The following LINGO2 variants were observed in gnomAD, a reference collection of about 807,000 sequenced individuals.
The protein encoded by LINGO2 is leucine-rich repeat and immunoglobulin-like domain-containing nogo receptor-interacting protein 2.
A neutral mutation model predicts 30.6 loss-of-function variants in LINGO2; 14 were observed. The observed-to-expected ratio is 0.46, with a 90% confidence interval of 0.30 to 0.72. The LOEUF (loss-of-function observed/expected upper bound fraction) is 0.72, where lower values mean the gene tolerates loss of function less well. Ranked by LOEUF, LINGO2 falls within the 30% of genes least tolerant of loss-of-function variation. The pLI, the probability that LINGO2 is intolerant of heterozygous loss-of-function variation, is 0.07. For missense variants in LINGO2, 729 were observed against 751.7 expected (o/e 0.97, Z 0.35); for synonymous variants, 317 against 288.5 (o/e 1.10, Z -1.00).
chr9:28,523,257 A>C (rs1820892070), intron 1 of LINGO2, among the ~76,000 whole-genome samples: 1 of 152,164 alleles, frequency 6.6e-6, no homozygotes, highest in Admixed American at 6.5e-5. Flanking sequence ...CTTGAAAAAA[A>C]AATTAACATG....
At chr9:28,614,575 T>C (rs1489840939) in intron 1 of LINGO2, among the ~76,000 whole-genome samples, 2 of 152,148 alleles carry the variant, frequency 1.3e-5, no homozygotes, top group Non-Finnish European at 2.9e-5. Flanking sequence ...AGATAACTTC[T>C]AAAACTAACT....
chr9:28,628,700 T>A (rs1044424733), intron 1 of LINGO2, among the ~76,000 whole-genome samples: 5 of 152,138 alleles, frequency 3.3e-5, no homozygotes, highest in African/African-American at 9.7e-5. Flanking sequence ...GTACCTAGTC[T>A]CTTGATTTCT....
At chr9:28,320,818 C>G (rs1225442834) in intron 3 of LINGO2, among the ~76,000 whole-genome samples, 1 of 152,152 alleles carries the variant, frequency 6.6e-6, no homozygotes, top group Non-Finnish European at 1.5e-5. Context: ...ATCTGTTCCC[C>G]TTCTGTTTCC....
the LINGO2 span, among the ~76,000 whole-genome samples, chr9:28,693,536 C>G: frequency 0.14 from 21,262 of 151,954 alleles, 1,981 homozygotes; most frequent in African/African-American, 0.26. Flanking sequence ...CAAGGTGAAA[C>G]AGAAGTACAA....
chr9:28,221,609 T>A (rs1820970100), intron 4 of LINGO2, among the ~76,000 whole-genome samples: 1 of 152,166 alleles, frequency 6.6e-6, no homozygotes, highest in African/African-American at 2.4e-5. Context: ...TTCCAATTAC[T>A]TGTCAAATTT....
chr9:28,397,519 A>G (rs2134724461), intron 2 of LINGO2, among the ~76,000 whole-genome samples: 1 of 150,334 alleles, frequency 6.7e-6, no homozygotes, highest in East Asian at 2.0e-4. Flanking sequence ...GTTAACTATC[A>G]ATACCATGCT....
At chr9:29,209,770 T>TTCAACAAAATTATAAATACAGTAC in the LINGO2 span, among the ~76,000 whole-genome samples, 2 of 152,124 alleles carry the variant, frequency 1.3e-5, no homozygotes, top group African/African-American at 4.8e-5. Flanking sequence ...GGTGACATAT[T>TTCAACAAAATTATAAATACAGTAC]TCAACAAAAT....
chr9:28,975,424 T>C, the LINGO2 span, among the ~76,000 whole-genome samples: 2 of 152,164 alleles, frequency 1.3e-5, no homozygotes, highest in East Asian at 3.9e-4. Flanking sequence ...TGGCGTAACC[T>C]AAACTTTTAA....
At chr9:27,962,300 TTC>T (rs1177214457) in intron 5 of LINGO2, among the ~76,000 whole-genome samples, 1 of 152,178 alleles carries the variant, frequency 6.6e-6, no homozygotes, top group African/African-American at 2.4e-5. Context: ...GGCATCTTAT[TTC>T]TGATTTATTT....
the LINGO2 span, among the ~76,000 whole-genome samples, chr9:29,150,209 G>C: frequency 7.9e-5 from 12 of 152,214 alleles, no homozygotes; most frequent in East Asian, 2.3e-3. Context: ...CAAAAATCTA[G>C]CCACAAATAA....
chr9:28,822,848 C>T, the LINGO2 span, among the ~76,000 whole-genome samples: 314 of 152,212 alleles, frequency 2.1e-3, 2 homozygotes, highest in South Asian at 2.9e-3. Flanking sequence ...CTGACTAATA[C>T]ATACTGAAAA....
the LINGO2 span, among the ~76,000 whole-genome samples, chr9:29,035,338 G>T: frequency 2.0e-5 from 3 of 151,818 alleles, no homozygotes; most frequent in Admixed American, 6.6e-5. Context: ...CTCAGCTCTT[G>T]ACATACCACT....
intron 1 of LINGO2, among the ~76,000 whole-genome samples, chr9:28,521,990 T>C (rs1279614084): frequency 6.6e-6 from 1 of 152,182 alleles, no homozygotes; most frequent in Non-Finnish European, 1.5e-5. Context: ...CGAGGGAGCA[T>C]GGCCATTACA....
In LINGO2 at chr9:28,639,607, T is replaced by G. The variant is rs888508501; in HGVS notation, c.-365+30593A>C. Among the ~76,000 whole-genome samples the G allele has an allele frequency of 2.6e-5, 4 of 152,138 alleles. No individual in the cohort carries two copies. In the South Asian group the frequency reaches 6.2e-4, roughly 24 times the overall value. ...CTTTGTCTCTTTTGATCTTTGTTGGTTTAAAGTCTGTTTTATCAGAGACTA... is the reference window on the plus strand; with the variant it reads ...CTTTGTCTCTTTTGATCTTTGTTGGGTTAAAGTCTGTTTTATCAGAGACTA... On this transcript the variant is annotated intron_variant, in intron 1 of 5. Coordinates refer to ENST00000379992, the Ensembl canonical transcript of LINGO2.
intron 4 of LINGO2, among the ~76,000 whole-genome samples, chr9:28,086,303 A>G (rs534429587): frequency 6.6e-6 from 1 of 152,256 alleles, no homozygotes; most frequent in East Asian, 1.9e-4. Flanking sequence ...TTCAGATTTA[A>G]AAAATGATAC....
chr9:28,502,947 G>A (rs1283827019), intron 1 of LINGO2, among the ~76,000 whole-genome samples: 2 of 152,090 alleles, frequency 1.3e-5, no homozygotes, highest in East Asian at 3.9e-4. Flanking sequence ...TGCAGATAAT[G>A]TAGGCCAAAG....
At position 28,110,409 on chromosome 9, in the gene LINGO2, T is replaced by C. The variant is rs181697265; in HGVS notation, c.-86-98004A>G. Among the ~76,000 whole-genome samples, 606 of 152,190 alleles carry C rather than the reference T, an allele frequency of 4.0e-3. 9 individuals are homozygous for C. The highest frequency in any genetic ancestry group is 0.014 in the African/African-American group (580 of 41,518). ...ATTGACAAATGGGATCTAATTAAAC[T>C]AAAGAGCTTCTGCACAGCAAAAGAA... On this transcript the variant is annotated intron_variant, in intron 4 of 5. Coordinates refer to ENST00000379992, the Ensembl canonical transcript of LINGO2.
the LINGO2 span, among the ~76,000 whole-genome samples, chr9:28,688,445 CCTCAGG>C: frequency 1.3e-5 from 2 of 152,264 alleles, no homozygotes; most frequent in Middle Eastern, 3.4e-3. Context: ...AATCTACTTG[CCTCAGG>C]CTTTTTCTAA....
chr9:28,456,625 T>G (rs73437482), intron 2 of LINGO2, among the ~76,000 whole-genome samples: 1 of 152,234 alleles, frequency 6.6e-6, no homozygotes, highest in African/African-American at 2.4e-5. Flanking sequence ...GTCTACCCAT[T>G]TGAACCAGTG....
Sources: allele counts gnomAD v4.1 joint callset (sites outside exome capture counted in the v4.1 genomes callset), GRCh38; gene constraint gnomAD v4.1.1; transcripts MANE v1.5; gene names NCBI Gene and HGNC (gene_info 2026-07-23, HGNC 2026-07-21).